The following BTRC variants were observed in gnomAD, a reference collection of about 807,000 sequenced individuals.
The protein encoded by BTRC is beta-transducin repeat containing E3 ubiquitin protein ligase, also known as F-box/WD repeat-containing protein 1A.
In BTRC, 42 loss-of-function variants were observed where a neutral mutation model predicts 85.5. The ratio of observed to expected loss-of-function variants is 0.49; its 90% CI spans 0.38 to 0.64. The LOEUF (loss-of-function observed/expected upper bound fraction) is 0.64. BTRC is among the 30% of genes least tolerant of loss of function. The pLI, the probability that BTRC is intolerant of heterozygous loss-of-function variation, is 0.00. For synonymous variants in BTRC, 255 were observed against 263.3 expected (o/e 0.97, Z 0.30); for missense variants, 594 against 743.5 (o/e 0.80, Z 2.34).
intron 2 of BTRC, among the ~76,000 whole-genome samples, chr10:101,439,760 A>C (rs547135491): frequency 6.6e-6 from 1 of 152,340 alleles, no homozygotes; most frequent in East Asian, 1.9e-4. Flanking sequence ...AAGTTGGGTT[A>C]GTGTATTATT....
chr10:101,354,365 G>A (rs899662442), intron 1 of BTRC, 137 bp downstream of exon 1: 10 of 986,450 alleles, frequency 1.0e-5, no homozygotes, highest in Non-Finnish European at 1.4e-5. Context: ...TGGAGGGATG[G>A]GATGGGAGCT....
rs751161172 is a variant in BTRC, at chr10:101,493,150, T to C, written c.324+13693T>C. Among the ~76,000 whole-genome samples, 49 of 152,222 alleles carry C rather than the reference T, an allele frequency of 3.2e-4. 1 individual carries two copies. The highest frequency in any genetic ancestry group is 6.2e-4 in the Non-Finnish European group (42 of 68,028). On this transcript the variant is annotated intron_variant, in intron 4 of 14. Coordinates refer to ENST00000370187, the MANE Select transcript of BTRC (RefSeq NM_033637.4). ...TATCCAAAGCTAAATGGTCTTATTA[T>C]AGAGTTTGTATAGGATTTATTTTCA...
At chr10:101,510,783 C>A (rs1045887810) in intron 4 of BTRC, among the ~76,000 whole-genome samples, 4 of 152,198 alleles carry the variant, frequency 2.6e-5, no homozygotes, top group East Asian at 1.9e-4. Flanking sequence ...CCCAGACTTA[C>A]AATTCTCAAC....
chr10:101,429,443 G>C (rs576726941), intron 1 of BTRC, among the ~76,000 whole-genome samples: 2 of 150,992 alleles, frequency 1.3e-5, no homozygotes, highest in Non-Finnish European at 3.0e-5. Context: ...TTGTTTGTTT[G>C]TTTAGAAGGT....
At chr10:101,532,802 G>GCGCT (rs752026690) in intron 8 of BTRC, 150 bp from the exon 9 acceptor site, 2 of 649,464 alleles carry the variant, frequency 3.1e-6, no homozygotes, top group South Asian at 1.9e-5. Context: ...GCGTGTGCGC[G>GCGCT]CGCGCGCGCT....
chr10:101,500,605 G>A (rs1946377264), intron 4 of BTRC, among the ~76,000 whole-genome samples: 1 of 152,166 alleles, frequency 6.6e-6, no homozygotes, highest in African/African-American at 2.4e-5. Flanking sequence ...AAGAGTTGAT[G>A]TGAAAGAAAT....
At chr10:101,436,711 A>G (rs1343804432) in intron 2 of BTRC, among the ~76,000 whole-genome samples, 2 of 152,204 alleles carry the variant, frequency 1.3e-5, no homozygotes, top group African/African-American at 4.8e-5. Flanking sequence ...AAGTGTAACC[A>G]GTAATTTTAG....
At chr10:101,467,276 T>G (rs1324065501) in intron 3 of BTRC, among the ~76,000 whole-genome samples, 1 of 151,196 alleles carries the variant, frequency 6.6e-6, no homozygotes, top group African/African-American at 2.4e-5. Context: ...TCTTTCTGAT[T>G]TGATTGATGA....
rs760860376 is a variant in BTRC at position 101,496,047 on chromosome 10, TGA to T, written c.324+16594_324+16595del. Among the ~76,000 whole-genome samples, 6 of 152,144 alleles carry T rather than the reference TGA, an allele frequency of 3.9e-5. No homozygotes were observed. In the South Asian group the frequency reaches 6.2e-4, roughly 16 times the overall value. On this transcript the variant is annotated intron_variant, in intron 4 of 14. Coordinates refer to ENST00000370187, the MANE Select transcript of BTRC (RefSeq NM_033637.4). ...ACTGTCTGAATTATTTCACTGTTTTTGAGAGTCATTTATATTGTTATGTATGT... is the reference window on the plus strand; with the variant it reads ...ACTGTCTGAATTATTTCACTGTTTTTGAGTCATTTATATTGTTATGTATGT...
rs1945706534 is a variant in BTRC, at chr10:101,476,997, G to A, written c.235-2371G>A. The stretch of plus-strand genomic sequence containing the variant: ...GCAATCTGTGTTTGTTTTGTTTTGA[G>A]ACAGAGTCTTGCTCTGTCACCCACG... On this transcript the variant is annotated intron_variant, in intron 3 of 14. Transcript: ENST00000370187. 2.6e-5 allele frequency among the ~76,000 whole-genome samples: 4 copies of A among 152,078 alleles called. No individual in the cohort carries two copies. The South Asian group carries it at 8.3e-4, about 32-fold the overall frequency.
chr10:101,402,605 G>A (rs1019070514), intron 1 of BTRC, among the ~76,000 whole-genome samples: 2 of 152,092 alleles, frequency 1.3e-5, no homozygotes, highest in African/African-American at 4.8e-5. Flanking sequence ...TATTATAGAT[G>A]GACTTAAATT....
At chr10:101,533,339 T>G (rs987896129) in intron 9 of BTRC, among the ~76,000 whole-genome samples, 2 of 152,216 alleles carry the variant, frequency 1.3e-5, no homozygotes. Context: ...ATCCTTATGG[T>G]AAACTTTGCA....
intron 4 of BTRC, among the ~76,000 whole-genome samples, chr10:101,509,513 C>G (rs1441292939): frequency 6.7e-6 from 1 of 149,512 alleles, no homozygotes; most frequent in African/African-American, 2.5e-5. Context: ...CTCGGCCTCC[C>G]AAAGTGCTGG....
In BTRC at chr10:101,523,419, G is replaced by A. The variant is rs887401011; in HGVS notation, c.556+1549G>A. On this transcript the variant is annotated intron_variant, in intron 5 of 14. Coordinates refer to ENST00000370187, the MANE Select transcript of BTRC (RefSeq NM_033637.4). ...ACACTGCCAAGGTGTCAGTATTTGGGGGGAATGCTATTTCAGGAAAATAGG... is the reference window on the plus strand; with the variant it reads ...ACACTGCCAAGGTGTCAGTATTTGGAGGGAATGCTATTTCAGGAAAATAGG... 2.0e-5 allele frequency among the ~76,000 whole-genome samples: 3 copies of A among 152,022 alleles called. No homozygotes were observed. In the South Asian group the frequency reaches 6.2e-4, roughly 31 times the overall value.
chr10:101,423,445 AT>A (rs1169879464), intron 1 of BTRC, among the ~76,000 whole-genome samples: 1 of 152,216 alleles, frequency 6.6e-6, no homozygotes, highest in African/African-American at 2.4e-5. Flanking sequence ...GCTTTTCTAA[AT>A]ATTTGAAAAT....
rs530732329 is a variant in BTRC, at chr10:101,507,786, C to T, written c.325-13853C>T. On this transcript the variant is annotated intron_variant, in intron 4 of 14. Transcript: ENST00000370187. Reference sequence around the variant, plus strand: ...AGCTTGCTGCAGTGCAGAGGCACCCCGGGTATGTCTGTGCCTATTTCAATC... The same window carrying T: ...AGCTTGCTGCAGTGCAGAGGCACCCTGGGTATGTCTGTGCCTATTTCAATC... Among the ~76,000 whole-genome samples the T allele has an allele frequency of 2.0e-5, 3 of 152,240 alleles. 1 individual carries two copies. The South Asian group carries it at 6.2e-4, about 32-fold the overall frequency.
intron 2 of BTRC, among the ~76,000 whole-genome samples, chr10:101,440,993 A>C (rs1432014685): frequency 6.6e-6 from 1 of 152,216 alleles, no homozygotes; most frequent in African/African-American, 2.4e-5. Flanking sequence ...TGTTGTTTTT[A>C]AGTATTGCTC....
intron 3 of BTRC, among the ~76,000 whole-genome samples, chr10:101,475,341 A>G (rs1945649370): frequency 6.6e-6 from 1 of 152,210 alleles, no homozygotes; most frequent in Non-Finnish European, 1.5e-5. Flanking sequence ...GGAGTTCAAG[A>G]CCAGCCTGGC....
At chr10:101,465,319 A>G (rs909254727) in intron 3 of BTRC, among the ~76,000 whole-genome samples, 1 of 152,206 alleles carries the variant, frequency 6.6e-6, no homozygotes, top group Non-Finnish European at 1.5e-5. Flanking sequence ...CTAATATTAT[A>G]GTTGACATAT....
Sources: allele counts gnomAD v4.1 joint callset (sites outside exome capture counted in the v4.1 genomes callset), GRCh38; gene constraint gnomAD v4.1.1; transcripts MANE v1.5; gene names NCBI Gene and HGNC (gene_info 2026-07-23, HGNC 2026-07-21).